HORMAD2: variants seen among roughly 807,000 people sequenced by gnomAD.
HORMAD2 encodes HORMA domain containing 2.
HORMAD2 carries 45 observed loss-of-function variants against 38.8 expected under a neutral mutation model. The ratio of observed to expected loss-of-function variants is 1.16; its 90% confidence interval spans 0.91 to 1.49. The LOEUF is 1.49. Among genes scored for constraint, HORMAD2 ranks in the 40% most tolerant of loss-of-function variants. HORMAD2 has a pLI of 0.00. For synonymous variants in HORMAD2, 126 were observed against 122.8 expected (o/e 1.03, Z -0.17); for missense variants, 338 against 367.0 (o/e 0.92, Z 0.65).
At chr22:30,164,119 G>T (rs1404264463) in intron 10 of HORMAD2, among the ~76,000 whole-genome samples, 1 of 152,140 alleles carries the variant, frequency 6.6e-6, no homozygotes, top group Non-Finnish European at 1.5e-5. Context: ...GTTTGAGCAT[G>T]TATCAGAATA....
At chr22:30,155,817 A>G (rs1925038292) in intron 10 of HORMAD2, among the ~76,000 whole-genome samples, 1 of 152,194 alleles carries the variant, frequency 6.6e-6, no homozygotes, top group Non-Finnish European at 1.5e-5. Context: ...GGCTGCCATT[A>G]TCATTAGCTT....
At chr22:30,105,298 G>T in intron 5 of HORMAD2, 1 of 173,846 alleles carries the variant, frequency 5.8e-6, no homozygotes, top group South Asian at 1.3e-4. Flanking sequence ...GCATGAACTT[G>T]GTGTGTTTGG....
chr22:30,192,483 G>A, the HORMAD2 span, among the ~76,000 whole-genome samples: 5 of 152,108 alleles, frequency 3.3e-5, no homozygotes, highest in African/African-American at 1.2e-4. Context: ...AGTGTGGCAG[G>A]ATTTCCAGAA....
chr22:30,174,376 T>G (rs1459626040), intron 10 of HORMAD2, among the ~76,000 whole-genome samples: 4 of 152,120 alleles, frequency 2.6e-5, no homozygotes, highest in Non-Finnish European at 5.9e-5. Context: ...TGTGGATAAA[T>G]TTGTTGGTTT....
the HORMAD2 span, among the ~76,000 whole-genome samples, chr22:30,202,164 C>A: frequency 6.6e-6 from 1 of 152,274 alleles, no homozygotes; most frequent in East Asian, 1.9e-4. Context: ...CTGTTATGCT[C>A]CAGGCAGCAG....
intron 10 of HORMAD2, among the ~76,000 whole-genome samples, chr22:30,129,027 G>A (rs1323363585): frequency 1.3e-5 from 2 of 151,694 alleles, no homozygotes; most frequent in African/African-American, 4.8e-5. Context: ...GTCCGTCCTG[G>A]CTAACACAGT....
chr22:30,179,317 G>A (rs1004294351), downstream of HORMAD2, among the ~76,000 whole-genome samples: 34 of 152,088 alleles, frequency 2.2e-4, no homozygotes, highest in Admixed American at 5.9e-4. Context: ...CTGTACAAGC[G>A]AGAAAATGCC....
In HORMAD2 at chr22:30,093,931, A is replaced by G; in HGVS notation, c.-22A>G. ...TTTTTAATAGGTTGGACTTGTTGAA[A>G]TAATCCTGATACATTCCTACAATGG... On this transcript the variant is annotated 5_prime_UTR_variant, in exon 2 of 11. Transcript: ENST00000336726. 1.3e-6 allele frequency: 2 copies of G among 1,574,210 alleles called. No homozygotes were observed. The highest frequency in any genetic ancestry group is 8.7e-7 in the Non-Finnish European group (1 of 1,150,794).
intron 7 of HORMAD2, among the ~76,000 whole-genome samples, chr22:30,114,411 A>C (rs1341474947): frequency 2.0e-5 from 3 of 152,244 alleles, no homozygotes; most frequent in Admixed American, 6.5e-5. Flanking sequence ...CAATGTTCAT[A>C]GGGCCTAAAA....
chr22:30,138,013 C>T (rs1569106452), intron 10 of HORMAD2, among the ~76,000 whole-genome samples: 1 of 152,162 alleles, frequency 6.6e-6, no homozygotes, highest in Non-Finnish European at 1.5e-5. Context: ...TACCATTTTA[C>T]ATTCCCAACA....
At chr22:30,203,008 A>C in the HORMAD2 span, among the ~76,000 whole-genome samples, 1 of 152,220 alleles carries the variant, frequency 6.6e-6, no homozygotes, top group Non-Finnish European at 1.5e-5. Context: ...CACACGGCCA[A>C]GATCAACCTT....
At chr22:30,152,996 G>T (rs985424150) in intron 10 of HORMAD2, among the ~76,000 whole-genome samples, 30 of 152,226 alleles carry the variant, frequency 2.0e-4, no homozygotes, top group African/African-American at 6.3e-4. Context: ...ACACTGTCAT[G>T]TCAAATCCAG....
intron 1 of HORMAD2, among the ~76,000 whole-genome samples, chr22:30,093,261 C>G (rs1413685047): frequency 6.6e-6 from 1 of 151,986 alleles, no homozygotes; most frequent in Non-Finnish European, 1.5e-5. Flanking sequence ...AATGAGATTT[C>G]TCTCTTGATT....
At chr22:30,133,121 G>A (rs978921080) in intron 10 of HORMAD2, among the ~76,000 whole-genome samples, 6 of 151,994 alleles carry the variant, frequency 3.9e-5, no homozygotes, top group Non-Finnish European at 8.8e-5. Context: ...ACTTCATTGA[G>A]ATTTTATTCA....
chr22:30,154,415 A>C (rs542051079), intron 10 of HORMAD2, among the ~76,000 whole-genome samples: 1 of 152,330 alleles, frequency 6.6e-6, no homozygotes, highest in East Asian at 1.9e-4. Flanking sequence ...ACTCCTGTAT[A>C]CTGTACTATG....
chr22:30,157,094 C>T (rs1396360752), intron 10 of HORMAD2, among the ~76,000 whole-genome samples: 1 of 152,212 alleles, frequency 6.6e-6, no homozygotes, highest in Non-Finnish European at 1.5e-5. Flanking sequence ...CTCTTGGCCA[C>T]ATCTCACTCC....
chr22:30,079,177 C>G (rs2068427704), upstream of HORMAD2, among the ~76,000 whole-genome samples: 2 of 152,050 alleles, frequency 1.3e-5, no homozygotes, highest in African/African-American at 4.8e-5. Context: ...CTCACTCTTT[C>G]ATCTACTCTC....
At chr22:30,162,490 T>C (rs1160831759) in intron 10 of HORMAD2, among the ~76,000 whole-genome samples, 2 of 152,082 alleles carry the variant, frequency 1.3e-5, no homozygotes, top group Non-Finnish European at 2.9e-5. Context: ...GTAAAATATC[T>C]CCATCATTTT....
At chr22:30,175,156 G>A (rs1043984504) in intron 10 of HORMAD2, among the ~76,000 whole-genome samples, 8 of 146,262 alleles carry the variant, frequency 5.5e-5, no homozygotes, top group Admixed American at 7.0e-5. Flanking sequence ...AGGACAAAAA[G>A]GATAATTTTA....
Sources: allele counts gnomAD v4.1 joint callset (sites outside exome capture counted in the v4.1 genomes callset), GRCh38; gene constraint gnomAD v4.1.1; transcripts MANE v1.5; gene names NCBI Gene and HGNC (gene_info 2026-07-23, HGNC 2026-07-21).